PLPP3: variants seen among roughly 807,000 people sequenced by gnomAD.
PLPP3 encodes the protein PAP2 beta.
In PLPP3, 6 loss-of-function variants were observed where a neutral mutation model predicts 29.6. The ratio of observed to expected loss-of-function variants is 0.20; its 90% CI spans 0.11 to 0.40. PLPP3 has a LOEUF of 0.40. PLPP3 is among the 10% of genes least tolerant of loss of function. PLPP3 has a pLI of 1.00. For missense variants in PLPP3, 308 were observed against 407.7 expected (o/e 0.76, Z 2.11); for synonymous variants, 152 against 159.7 (o/e 0.95, Z 0.36).
intron 4 of PLPP3, among the ~76,000 whole-genome samples, chr1:56,515,709 T>C (rs1373995976): frequency 6.6e-6 from 1 of 152,152 alleles, no homozygotes; most frequent in African/African-American, 2.4e-5. Context: ...TATGGAGGAA[T>C]GCCTCAAGGT....
At position 56,579,283 on chromosome 1, in the gene PLPP3, G is replaced by A. The variant is rs1033289110; in HGVS notation, c.-267C>T. 5.3e-5 allele frequency: 23 copies of A among 430,066 alleles called. No individual in the cohort carries two copies. The highest frequency in any genetic ancestry group is 7.4e-5 in the Non-Finnish European group (18 of 244,352). 26.6% of individuals were successfully genotyped at this position (430,066 alleles called of 1,614,324 possible). On this transcript the variant is annotated 5_prime_UTR_variant, in exon 1 of 6. Coordinates refer to ENST00000371250, the MANE Select transcript of PLPP3 (RefSeq NM_003713.5). ...TCCAAGGGGAAGAGAGCCAGATCCC[G>A]AGCAGAAACTTTTGCAGAGCTGCGC...
Position 56,524,625 on chromosome 1 carries a change from T to C in PLPP3, c.298-71A>G. ...ATCAACACTGATGCCGTAACGGATA[T>C]TCAACAACACAGGAGAATATTCAGT... is the stretch of plus-strand genomic sequence containing the variant. On this transcript the variant is annotated intron_variant, in intron 2 of 5. Coordinates refer to ENST00000371250, the MANE Select transcript of PLPP3 (RefSeq NM_003713.5). This position sits in a 1 kb window ranked among gnomAD's most constrained non-coding sequence, Gnocchi z 4.3. 5 of 1,499,738 alleles carry C rather than the reference T, an allele frequency of 3.3e-6. No homozygotes were observed. In the South Asian group the frequency reaches 6.0e-5, roughly 18 times the overall value. 92.9% of individuals were successfully genotyped at this position (1,499,738 alleles called of 1,614,324 possible).
intron 1 of PLPP3, among the ~76,000 whole-genome samples, chr1:56,564,405 C>G (rs182645451): frequency 7.2e-5 from 11 of 152,194 alleles, no homozygotes; most frequent in African/African-American, 2.4e-4. Flanking sequence ...AACTGGAGAT[C>G]TACAATGAGA....
intron 4 of PLPP3, among the ~76,000 whole-genome samples, chr1:56,517,298 T>A (rs1285168871): frequency 6.6e-6 from 1 of 152,200 alleles, no homozygotes; most frequent in Non-Finnish European, 1.5e-5. Context: ...ATGTGCCTGG[T>A]GGGTAGCTTG....
chr1:56,572,043 G>GTTTTTTT lies in PLPP3; in HGVS notation c.139+6828_139+6834dup, dbSNP rs375576842. 3.5e-4 allele frequency among the ~76,000 whole-genome samples: 30 copies of GTTTTTTT among 85,062 alleles called. 2 individuals are homozygous for GTTTTTTT. Among genetic ancestry groups the GTTTTTTT allele is most frequent in the Admixed American group, 7.3e-4 (4 of 5,456 alleles). The allele number at this position is 85,062 out of a possible 152,430, so 55.8% of individuals were successfully genotyped here. The stretch of plus-strand genomic sequence containing the variant: ...TTTCGATCATTTCCAATCATTTCTG[G>GTTTTTTT]TTTTTTTTTTTTTTTTTTTTTTTTG... On this transcript the variant is annotated intron_variant, in intron 1 of 5. Transcript: ENST00000371250.
chr1:56,518,055 C>T (rs983211224), intron 4 of PLPP3, among the ~76,000 whole-genome samples: 1 of 152,160 alleles, frequency 6.6e-6, no homozygotes, highest in African/African-American at 2.4e-5. Context: ...ATTATGAGCT[C>T]TTTTGGTGTC....
intron 1 of PLPP3, among the ~76,000 whole-genome samples, chr1:56,556,048 C>A (rs189645791): frequency 2.0e-5 from 3 of 152,246 alleles, no homozygotes; most frequent in Admixed American, 2.0e-4. Context: ...TAGAGTCAGG[C>A]CTAAATGCAA....
At chr1:56,538,086 T>C (rs1645940299) in intron 1 of PLPP3, among the ~76,000 whole-genome samples, 1 of 152,182 alleles carries the variant, frequency 6.6e-6, no homozygotes, top group Non-Finnish European at 1.5e-5. Context: ...CCTGAAGGGC[T>C]TGGACCATGA....
chr1:56,535,943 G>A (rs1169704481), intron 2 of PLPP3, among the ~76,000 whole-genome samples: 3 of 152,180 alleles, frequency 2.0e-5, no homozygotes, highest in Non-Finnish European at 4.4e-5. Context: ...GGAAACTGAA[G>A]GTTAAAGAAA....
chr1:56,545,486 G>C (rs1645999729), intron 1 of PLPP3, among the ~76,000 whole-genome samples: 1 of 152,104 alleles, frequency 6.6e-6, no homozygotes, highest in Non-Finnish European at 1.5e-5. Flanking sequence ...TAATCTGCAG[G>C]GAAAAGCATG....
intron 4 of PLPP3, among the ~76,000 whole-genome samples, chr1:56,519,707 G>T (rs1040677131): frequency 2.6e-5 from 4 of 151,814 alleles, no homozygotes; most frequent in African/African-American, 9.7e-5. Flanking sequence ...GGGCTCAGAG[G>T]TATAAAGCAT....
intron 4 of PLPP3, chr1:56,516,828 TG>T (rs1341628298): frequency 1.3e-5 from 2 of 151,648 alleles, no homozygotes; most frequent in African/African-American, 4.8e-5. Flanking sequence ...AAAAGAAAGA[TG>T]TATGTCTGTT....
chr1:56,578,762 G>C (rs1376985203), intron 1 of PLPP3, 116 bp downstream of exon 1: 18 of 1,130,778 alleles, frequency 1.6e-5, no homozygotes, highest in East Asian at 3.7e-5. Flanking sequence ...GGCTGCGGGG[G>C]CCCCCCGGAG....
chr1:56,566,214 C>T (rs945548351), intron 1 of PLPP3, among the ~76,000 whole-genome samples: 4 of 152,172 alleles, frequency 2.6e-5, no homozygotes, highest in African/African-American at 7.2e-5. Flanking sequence ...TTTTGGACGA[C>T]GCTTCAGGGG....
At chr1:56,560,994 T>TCAC (rs1646122875) in intron 1 of PLPP3, among the ~76,000 whole-genome samples, 1 of 149,312 alleles carries the variant, frequency 6.7e-6, no homozygotes, top group Non-Finnish European at 1.5e-5. Context: ...CCTGCCACCA[T>TCAC]GCCCGGGTAA....
chr1:56,575,795 T>TAA (rs150890083), intron 1 of PLPP3, among the ~76,000 whole-genome samples: 1 of 152,176 alleles, frequency 6.6e-6, no homozygotes, highest in African/African-American at 2.4e-5. Flanking sequence ...TGAATTTATA[T>TAA]AAAAAAGAGA....
At chr1:56,529,213 C>A (rs767677458) in intron 2 of PLPP3, among the ~76,000 whole-genome samples, 1 of 151,986 alleles carries the variant, frequency 6.6e-6, no homozygotes, top group Non-Finnish European at 1.5e-5. Context: ...CAGTGAATCA[C>A]TCTGATAAAA....
intron 5 of PLPP3, among the ~76,000 whole-genome samples, chr1:56,510,487 T>G (rs1408053236): frequency 6.6e-6 from 1 of 152,268 alleles, no homozygotes; most frequent in Non-Finnish European, 1.5e-5. Context: ...GTGCCCACTC[T>G]GATTGCTGCA....
At chr1:56,525,236 A>T (rs1488317290) in intron 2 of PLPP3, among the ~76,000 whole-genome samples, 1 of 152,218 alleles carries the variant, frequency 6.6e-6, no homozygotes, top group African/African-American at 2.4e-5. Context: ...ACAGAAAGTG[A>T]TGCTTTTACT....
Sources: allele counts gnomAD v4.1 joint callset (sites outside exome capture counted in the v4.1 genomes callset), GRCh38; gene constraint gnomAD v4.1.1; non-coding constraint Gnocchi (gnomAD v3.1); transcripts MANE v1.5; gene names NCBI Gene and HGNC (gene_info 2026-07-23, HGNC 2026-07-21).